Variants in RALGAPA1 observed in about 807,000 individuals in gnomAD.
RALGAPA1 encodes Ral GTPase activating protein catalytic subunit alpha 1.
RALGAPA1 carries 52 observed loss-of-function variants against 269.6 expected under a neutral mutation model. That is an observed-to-expected ratio of 0.19 (90% CI 0.15 to 0.24). The LOEUF (loss-of-function observed/expected upper bound fraction) is 0.24, where lower values mean the gene tolerates loss of function less well. Among genes scored for constraint, RALGAPA1 ranks in the 10% least tolerant of loss-of-function variants. The pLI is 1.00. For missense variants in RALGAPA1, 1,917 were observed against 3,013.9 expected (o/e 0.64, Z 8.52); for synonymous variants, 817 against 1,008.3 (o/e 0.81, Z 3.60).
intron 17 of RALGAPA1, among the ~76,000 whole-genome samples, chr14:35,695,432 A>G (rs1038671536): frequency 1.3e-5 from 2 of 152,192 alleles, no homozygotes; most frequent in African/African-American, 4.8e-5. Context: ...TGTGAGACAT[A>G]CTATTTTATT....
intron 39 of RALGAPA1, among the ~76,000 whole-genome samples, chr14:35,566,100 T>G (rs17103404): frequency 0.11 from 16,513 of 151,584 alleles, 1,431 homozygotes; most frequent in East Asian, 0.32. Context: ...ATGATTAAAC[T>G]AACAAATTGA....
intron 18 of RALGAPA1, among the ~76,000 whole-genome samples, chr14:35,687,084 A>G (rs58494681): frequency 0.018 from 2,786 of 152,314 alleles, 84 homozygotes; most frequent in African/African-American, 0.063. Flanking sequence ...GTGGGATACA[A>G]ATGCATTTGA....
At chr14:35,616,310 C>G (rs2060250585) in intron 35 of RALGAPA1, among the ~76,000 whole-genome samples, 1 of 151,990 alleles carries the variant, frequency 6.6e-6, no homozygotes, top group South Asian at 2.1e-4. Context: ...GAAAATGAAC[C>G]AGTGAAGACC....
chr14:35,751,906 C>G, intron 8 of RALGAPA1, 118 bp downstream of exon 8: 2 of 1,378,968 alleles, frequency 1.5e-6, no homozygotes, highest in Non-Finnish European at 1.9e-6. Context: ...CATATCTATA[C>G]CAACCAATAC....
intron 31 of RALGAPA1, among the ~76,000 whole-genome samples, chr14:35,651,135 T>C (rs2062804144): frequency 6.6e-6 from 1 of 152,066 alleles, no homozygotes; most frequent in South Asian, 2.1e-4. Context: ...AAAAACTCAA[T>C]AGAAACGGAG....
At chr14:35,744,162 G>A (rs907362197) in intron 10 of RALGAPA1, among the ~76,000 whole-genome samples, 13 of 151,946 alleles carry the variant, frequency 8.6e-5, no homozygotes, top group African/African-American at 3.1e-4. Context: ...ACCTGAGGGC[G>A]GGAGTTCAAG....
intron 37 of RALGAPA1, among the ~76,000 whole-genome samples, chr14:35,575,874 G>A (rs1416851216): frequency 1.3e-5 from 2 of 152,098 alleles, no homozygotes; most frequent in African/African-American, 2.4e-5. Context: ...GATTACAGGC[G>A]TGAGCCACCG....
intron 37 of RALGAPA1, among the ~76,000 whole-genome samples, chr14:35,575,395 A>G (rs1159560103): frequency 6.6e-6 from 1 of 152,230 alleles, no homozygotes; most frequent in Non-Finnish European, 1.5e-5. Flanking sequence ...AAGAAGACAA[A>G]GCAGCTAAAT....
At chr14:35,729,365 C>A (rs1325583818) in intron 12 of RALGAPA1, among the ~76,000 whole-genome samples, 1 of 151,814 alleles carries the variant, frequency 6.6e-6, no homozygotes, top group Non-Finnish European at 1.5e-5. Flanking sequence ...AAAAAGCACA[C>A]ATTCATTGAA....
intron 1 of RALGAPA1, among the ~76,000 whole-genome samples, chr14:35,786,499 G>A (rs181424524): frequency 2.0e-5 from 3 of 151,866 alleles, no homozygotes; most frequent in East Asian, 1.9e-4. Flanking sequence ...TTAGCCGGGC[G>A]TGCTGGCAGG....
chr14:35,803,812 T>TG (rs1191241144), intron 1 of RALGAPA1, among the ~76,000 whole-genome samples: 18 of 151,898 alleles, frequency 1.2e-4, no homozygotes, highest in African/African-American at 3.9e-4. Flanking sequence ...TTAGTAGAGA[T>TG]GGGGTTTCAC....
At chr14:35,695,860 C>T (rs2140527534) in intron 17 of RALGAPA1, among the ~76,000 whole-genome samples, 1 of 152,204 alleles carries the variant, frequency 6.6e-6, no homozygotes, top group Middle Eastern at 3.4e-3. Flanking sequence ...GGCTGGGTTA[C>T]CAAATGTCTA....
rs769817636 is a variant in RALGAPA1 at position 35,539,616 on chromosome 14, T to C, written c.*98A>G. 6.8e-6 allele frequency: 11 copies of C among 1,614,076 alleles called. No individual in the cohort carries two copies. The highest frequency in any genetic ancestry group is 6.8e-6 in the Non-Finnish European group (8 of 1,180,002). On this transcript the variant is annotated 3_prime_UTR_variant, in exon 42 of 42. Coordinates refer to ENST00000680220, the MANE Select transcript of RALGAPA1 (RefSeq NM_001346249.2). ...CGGCTTTTGCTAGTTCGAGGAGACA[T>C]TGGAGAGGCCAGGTCAGCCCCATCT...
chr14:35,738,195 A>G (rs1781206625), intron 12 of RALGAPA1, among the ~76,000 whole-genome samples: 1 of 152,204 alleles, frequency 6.6e-6, no homozygotes, highest in Non-Finnish European at 1.5e-5. Flanking sequence ...ATAAAGTACA[A>G]TACCACAAAA....
intron 37 of RALGAPA1, among the ~76,000 whole-genome samples, chr14:35,581,319 T>A (rs2057934538): frequency 6.6e-6 from 1 of 152,128 alleles, no homozygotes; most frequent in South Asian, 2.1e-4. Flanking sequence ...CATCAGTATA[T>A]AGAGAAATCA....
chr14:35,671,368 A>G (rs2064415664), intron 26 of RALGAPA1, 21 bp downstream of exon 26: 1 of 1,584,412 alleles, frequency 6.3e-7, no homozygotes, highest in African/African-American at 1.4e-5. Flanking sequence ...GTTATATGAT[A>G]AGGAACAGGA....
Position 35,756,876 on chromosome 14 carries a change from C to G in RALGAPA1, c.580G>C (p.Val194Leu), listed in dbSNP as rs1212613409. The G allele has an allele frequency of 1.2e-6, 2 of 1,610,766 alleles. No individual in the cohort carries two copies. The highest frequency in any genetic ancestry group is 1.7e-6 in the Non-Finnish European group (2 of 1,178,492). The change falls in exon 7 of 42, where the codon GTC (valine) becomes CTC (leucine). Residue 194 changes from valine (V) to leucine (L), a missense_variant. Transcript: ENST00000680220. Reference sequence around the variant, plus strand: ...CCTTTATCTCCTGATTGTGGGGGGACAAGAGGAGTGATTTCTTCTATAGTG... The same window carrying G: ...CCTTTATCTCCTGATTGTGGGGGGAGAAGAGGAGTGATTTCTTCTATAGTG... ...QVTIEEITPL[V>L]PPQSGDKGQE... is the part of the protein sequence containing the mutation.
chr14:35,798,631 C>T (rs1341697749), intron 1 of RALGAPA1, among the ~76,000 whole-genome samples: 1 of 152,092 alleles, frequency 6.6e-6, no homozygotes, highest in African/African-American at 2.4e-5. Context: ...AATCCATTAC[C>T]AGCAGATCAT....
At chr14:35,740,787 G>A (rs367923064) in intron 11 of RALGAPA1, among the ~76,000 whole-genome samples, 5 of 152,184 alleles carry the variant, frequency 3.3e-5, no homozygotes, top group East Asian at 1.9e-4. Flanking sequence ...CAACCAGGGC[G>A]ACAGAGGAAA....
Sources: gnomAD v4.1 joint callset for allele counts (sites outside exome capture counted in the v4.1 genomes callset) on GRCh38, gnomAD v4.1.1 for gene constraint, MANE v1.5 for transcripts, NCBI Gene and HGNC (gene_info 2026-07-23, HGNC 2026-07-21) for gene names.